Variants in DCC observed in about 807,000 individuals in gnomAD.
The protein encoded by DCC is netrin receptor DCC.
DCC carries 58 observed loss-of-function variants against 172.5 expected under a neutral mutation model. The observed-to-expected ratio is 0.34, with a 90% confidence interval of 0.27 to 0.42. The LOEUF (loss-of-function observed/expected upper bound fraction) is 0.42. DCC is among the 10% of genes least tolerant of loss of function. DCC has a pLI of 1.00. For missense variants in DCC, 1,740 were observed against 1,791.0 expected, an observed-to-expected ratio of 0.97 and a Z score of 0.51; for synonymous variants, 709 against 644.5, an observed-to-expected ratio of 1.10 and a Z score of -1.52.
chr18:52,419,009 C>A (rs916852732), intron 1 of DCC, among the ~76,000 whole-genome samples: 1 of 151,650 alleles, frequency 6.6e-6, no homozygotes, highest in African/African-American at 2.4e-5. Context: ...TACAGGTGCA[C>A]GCCACCAGGC....
chr18:52,864,011 G>A (rs2039183305), intron 2 of DCC, among the ~76,000 whole-genome samples: 1 of 152,010 alleles, frequency 6.6e-6, no homozygotes, highest in Non-Finnish European at 1.5e-5. Flanking sequence ...TAAATTATGA[G>A]TGGTCATTTA....
chr18:52,529,604 G>A (rs1422332919), intron 1 of DCC, among the ~76,000 whole-genome samples: 1 of 152,188 alleles, frequency 6.6e-6, no homozygotes, highest in Non-Finnish European at 1.5e-5. Flanking sequence ...GCTGTTTACT[G>A]CAGTAACACG....
At position 52,610,367 on chromosome 18, in the gene DCC, G is replaced by A. The variant is rs551863403; in HGVS notation, c.92-141687G>A. Among the ~76,000 whole-genome samples the A allele has an allele frequency of 7.2e-5, 7 of 97,188 alleles. No individual in the cohort carries two copies. The South Asian group carries it at 2.2e-3, about 30-fold the overall frequency. The allele number at this position is 97,188 out of a possible 152,430, so 63.8% of individuals were successfully genotyped here. ...TGCACTCCAGAATGGGTGAGAGAGC[G>A]AGACTCTGTCTCAACAAAAAAAAAA... is the stretch of plus-strand genomic sequence containing the variant. On this transcript the variant is annotated intron_variant, in intron 1 of 28. Coordinates refer to ENST00000442544, the MANE Select transcript of DCC (RefSeq NM_005215.4).
chr18:53,118,831 A>T (rs948484075), intron 7 of DCC, among the ~76,000 whole-genome samples: 41 of 151,898 alleles, frequency 2.7e-4, no homozygotes, highest in African/African-American at 8.7e-4. Flanking sequence ...GTCGGGAGGC[A>T]TTTTATCACC....
chr18:53,039,931 A>C (rs1292385359), intron 5 of DCC, among the ~76,000 whole-genome samples: 1 of 151,964 alleles, frequency 6.6e-6, no homozygotes, highest in Non-Finnish European at 1.5e-5. Flanking sequence ...TTGTCTGTGC[A>C]GCTGCAGTGC....
chr18:52,972,383 G>T (rs1054279045), intron 5 of DCC, among the ~76,000 whole-genome samples: 2 of 152,180 alleles, frequency 1.3e-5, no homozygotes, highest in East Asian at 1.9e-4. Context: ...GCCTTAAATT[G>T]CTGTTCTGTT....
chr18:52,805,737 AATAC>A lies in DCC; in HGVS notation c.412+53367_412+53370del, dbSNP rs551786202. Reference sequence around the variant, plus strand: ...ATGGATTACCATGACTTAAACCAGAAATACATAACTGGAAGTAGAAGGGAATTCA... The same window carrying A: ...ATGGATTACCATGACTTAAACCAGAAATAACTGGAAGTAGAAGGGAATTCA... On this transcript the variant is annotated intron_variant, in intron 2 of 28. Transcript: ENST00000442544. Among the ~76,000 whole-genome samples the A allele has an allele frequency of 1.6e-4, 24 of 152,348 alleles. 1 individual carries two copies. The East Asian group carries it at 4.1e-3, about 26-fold the overall frequency.
intron 26 of DCC, among the ~76,000 whole-genome samples, chr18:53,491,232 A>G (rs1386434989): frequency 6.6e-6 from 1 of 152,194 alleles, no homozygotes; most frequent in East Asian, 1.9e-4. Flanking sequence ...AAAGAGTAGG[A>G]TTAGGAAAAA....
At chr18:52,861,089 C>T (rs1232364571) in intron 2 of DCC, among the ~76,000 whole-genome samples, 1 of 151,918 alleles carries the variant, frequency 6.6e-6, no homozygotes, top group Non-Finnish European at 1.5e-5. Flanking sequence ...TTAAAAGCCT[C>T]TAAAGTCTAT....
intron 1 of DCC, among the ~76,000 whole-genome samples, chr18:52,611,234 C>T (rs2034271088): frequency 6.6e-6 from 1 of 152,092 alleles, no homozygotes; most frequent in African/African-American, 2.4e-5. Context: ...TACCCCGCAC[C>T]TGGAAGAAAA....
chr18:53,020,433 T>C (rs1388535705), intron 5 of DCC, among the ~76,000 whole-genome samples: 1 of 152,194 alleles, frequency 6.6e-6, no homozygotes, highest in Non-Finnish European at 1.5e-5. Context: ...AACATGTTCA[T>C]AAAAATGTCA....
intron 2 of DCC, among the ~76,000 whole-genome samples, chr18:52,771,334 A>G (rs1457053996): frequency 1.3e-5 from 2 of 152,262 alleles, no homozygotes; most frequent in Admixed American, 1.3e-4. Flanking sequence ...ATTCAATTAA[A>G]AAATATTTAT....
At chr18:53,339,651 G>T (rs896257901) in intron 14 of DCC, 62 bp from the exon 15 acceptor site, 8 of 1,269,078 alleles carry the variant, frequency 6.3e-6, no homozygotes, top group Non-Finnish European at 8.1e-6. Flanking sequence ...CTTAAATGGT[G>T]TTCTGCCGTG....
intron 12 of DCC, among the ~76,000 whole-genome samples, chr18:53,229,519 T>C (rs2056089731): frequency 6.6e-6 from 1 of 152,128 alleles, no homozygotes; most frequent in South Asian, 2.1e-4. Flanking sequence ...ATCGTATCTG[T>C]GGGGTGAAAA....
chr18:53,163,884 C>T (rs1029883246), intron 8 of DCC, among the ~76,000 whole-genome samples: 1 of 152,184 alleles, frequency 6.6e-6, no homozygotes, highest in African/African-American at 2.4e-5. Flanking sequence ...GTTTTATCAT[C>T]AACAGTGACA....
At chr18:52,819,275 T>C (rs957031399) in intron 2 of DCC, among the ~76,000 whole-genome samples, 2 of 152,156 alleles carry the variant, frequency 1.3e-5, no homozygotes, top group Admixed American at 1.3e-4. Flanking sequence ...CTTTCACTGG[T>C]AAAATCCAGC....
intron 2 of DCC, among the ~76,000 whole-genome samples, chr18:52,855,491 G>A (rs2039037586): frequency 6.6e-6 from 1 of 152,070 alleles, no homozygotes; most frequent in Admixed American, 6.6e-5. Flanking sequence ...ACCGTGATGT[G>A]GTACAAAGAC....
chr18:53,077,598 C>A (rs532408554), intron 7 of DCC, among the ~76,000 whole-genome samples: 1 of 152,098 alleles, frequency 6.6e-6, no homozygotes, highest in Non-Finnish European at 1.5e-5. Context: ...ATGAGCAGTT[C>A]TGGTCAGTGG....
At chr18:53,302,090 C>A (rs920405408) in intron 12 of DCC, among the ~76,000 whole-genome samples, 2 of 152,110 alleles carry the variant, frequency 1.3e-5, no homozygotes, top group Admixed American at 1.3e-4. Flanking sequence ...ATATCTGTGT[C>A]CTTATTTTCT....
Sources: allele counts gnomAD v4.1 joint callset (sites outside exome capture counted in the v4.1 genomes callset), GRCh38; gene constraint gnomAD v4.1.1; transcripts MANE v1.5; gene names NCBI Gene and HGNC (gene_info 2026-07-23, HGNC 2026-07-21).